TENM3: variants seen among roughly 807,000 people sequenced by gnomAD.
TENM3 encodes the protein teneurin transmembrane protein 3.
Under a neutral mutation model 255.1 loss-of-function variants are expected in TENM3, and 63 were observed. The observed-to-expected ratio is 0.25, with a 90% CI of 0.20 to 0.30. TENM3 has a LOEUF of 0.30. Among genes scored for constraint, TENM3 ranks in the 10% least tolerant of loss-of-function variants. The pLI, the probability that TENM3 is intolerant of heterozygous loss-of-function variation, is 1.00. For missense variants in TENM3, 2,929 were observed against 3,461.1 expected (o/e 0.85, Z 3.86); for synonymous variants, 1,306 against 1,322.3 (o/e 0.99, Z 0.27).
At chr4:182,023,652 G>T in the TENM3 span, among the ~76,000 whole-genome samples, 1 of 152,162 alleles carries the variant, frequency 6.6e-6, no homozygotes, top group Non-Finnish European at 1.5e-5. Context: ...GTGCTACCTG[G>T]AATCTGGCAA....
At chr4:181,522,727 C>G in the TENM3 span, 3 of 694,166 alleles carry the variant, frequency 4.3e-6, no homozygotes, top group South Asian at 2.7e-5. Flanking sequence ...AAAGGTGAAT[C>G]CTTGTTTCAT....
the TENM3 span, among the ~76,000 whole-genome samples, chr4:182,083,327 T>C: frequency 6.2e-3 from 948 of 152,322 alleles, 3 homozygotes; most frequent in Non-Finnish European, 0.01. Flanking sequence ...AATCTTTATA[T>C]TGAATATTAT....
chr4:181,517,691 A>G, the TENM3 span, among the ~76,000 whole-genome samples: 7 of 152,320 alleles, frequency 4.6e-5, no homozygotes, highest in Middle Eastern at 0.01. Context: ...AATAGTGCTG[A>G]TGTCTGAACC....
At chr4:181,925,054 C>A in the TENM3 span, among the ~76,000 whole-genome samples, 8 of 152,034 alleles carry the variant, frequency 5.3e-5, no homozygotes, top group Non-Finnish European at 1.2e-4. Context: ...CCTTTGCAAC[C>A]AATAGTGAAG....
the TENM3 span, among the ~76,000 whole-genome samples, chr4:181,795,844 A>G: frequency 6.6e-6 from 1 of 152,176 alleles, no homozygotes; most frequent in Non-Finnish European, 1.5e-5. Flanking sequence ...GGGAAGTATA[A>G]CCTGGATATG....
chr4:181,647,281 T>A, the TENM3 span, among the ~76,000 whole-genome samples: 1 of 152,216 alleles, frequency 6.6e-6, no homozygotes, highest in Non-Finnish European at 1.5e-5. Context: ...TTTTGTTTGA[T>A]GGAACATTTA....
At chr4:181,989,679 A>G in the TENM3 span, among the ~76,000 whole-genome samples, 1,871 of 152,274 alleles carry the variant, frequency 0.012, 42 homozygotes, top group African/African-American at 0.043. Context: ...CTACACCATC[A>G]TCTATCAGTT....
the TENM3 span, among the ~76,000 whole-genome samples, chr4:181,662,309 A>G: frequency 6.6e-6 from 1 of 152,234 alleles, no homozygotes; most frequent in Non-Finnish European, 1.5e-5. Context: ...TACACAGTAC[A>G]AATGGGCTAA....
At chr4:181,655,922 G>A in the TENM3 span, among the ~76,000 whole-genome samples, 1 of 152,132 alleles carries the variant, frequency 6.6e-6, no homozygotes. Flanking sequence ...AAAACAAAGG[G>A]TTTAAATATG....
intron 1 of TENM3, among the ~76,000 whole-genome samples, chr4:182,200,950 G>A (rs754719279): frequency 6.7e-6 from 1 of 149,334 alleles, no homozygotes; most frequent in Non-Finnish European, 1.5e-5. Flanking sequence ...TCAGCCTCCC[G>A]AATAGCTGGG....
chr4:182,585,215 C>T (rs1410058703), intron 3 of TENM3, among the ~76,000 whole-genome samples: 1 of 152,074 alleles, frequency 6.6e-6, no homozygotes, highest in Admixed American at 6.5e-5. Flanking sequence ...TTGATTATTA[C>T]CCCATTTTAC....
At chr4:182,196,729 A>G (rs1342464112) in intron 1 of TENM3, among the ~76,000 whole-genome samples, 3 of 152,186 alleles carry the variant, frequency 2.0e-5, no homozygotes, top group African/African-American at 7.2e-5. Context: ...TGTGATCATT[A>G]AAGTTTTTCT....
At chr4:181,751,415 GAAAA>G in the TENM3 span, among the ~76,000 whole-genome samples, 1 of 114,714 alleles carries the variant, frequency 8.7e-6, no homozygotes. Flanking sequence ...CCTTCCAAAG[GAAAA>G]AAAAAAAAAA....
chr4:181,885,356 G>A, the TENM3 span, among the ~76,000 whole-genome samples: 6 of 152,252 alleles, frequency 3.9e-5, no homozygotes, highest in East Asian at 7.7e-4. Context: ...TCCTCCTCCC[G>A]GGTTCAAGTG....
At chr4:182,467,504 A>G (rs977746400) in intron 3 of TENM3, among the ~76,000 whole-genome samples, 2 of 152,188 alleles carry the variant, frequency 1.3e-5, no homozygotes, top group African/African-American at 4.8e-5. Flanking sequence ...GAATTTCAAG[A>G]GGTTTGTCAT....
In TENM3 at chr4:182,603,784, T is replaced by TATATAC. The variant is rs58332965; in HGVS notation, c.749+2624_749+2625insTATACA. Among the ~76,000 whole-genome samples, 36 of 134,208 alleles carry TATATAC rather than the reference T, an allele frequency of 2.7e-4. 1 individual carries two copies. The highest frequency in any genetic ancestry group is 4.5e-4 in the Admixed American group (6 of 13,194). 88.0% of individuals were successfully genotyped at this position (134,208 alleles called of 152,430 possible). ...AATTATTTATATATATATATATATA[T>TATATAC]ACACACACACACCGATTTTGCTAAT... On this transcript the variant is annotated intron_variant, in intron 4 of 27. Transcript: ENST00000511685.
intron 27 of TENM3, 37 bp downstream of exon 27, chr4:182,796,804 A>T (rs1384349766): frequency 6.5e-7 from 1 of 1,544,212 alleles, no homozygotes; most frequent in East Asian, 2.3e-5. Flanking sequence ...GGTGATAAGT[A>T]GCTTGTGTCT....
intron 3 of TENM3, among the ~76,000 whole-genome samples, chr4:182,399,913 TG>T: frequency 6.6e-6 from 1 of 152,322 alleles, no homozygotes; most frequent in East Asian, 1.9e-4. Context: ...AGAGTCTTGG[TG>T]GTGAAATTTA....
chr4:182,132,312 T>A, the TENM3 span, among the ~76,000 whole-genome samples: 5 of 149,498 alleles, frequency 3.3e-5, no homozygotes, highest in African/African-American at 1.2e-4. Context: ...ACCCCGTCTC[T>A]ACTAAAAAAA....
Sources: gnomAD v4.1 joint callset for allele counts (sites outside exome capture counted in the v4.1 genomes callset) on GRCh38, gnomAD v4.1.1 for gene constraint, MANE v1.5 for transcripts, NCBI Gene and HGNC (gene_info 2026-07-23, HGNC 2026-07-21) for gene names.